Variants in SLC18A2 observed in about 807,000 individuals in gnomAD.
SLC18A2 encodes the protein solute carrier family 18 member A2, also known as synaptic vesicular amine transporter.
SLC18A2 carries 33 observed loss-of-function variants against 59.2 expected under a neutral mutation model. That is an observed-to-expected ratio of 0.56 (90% CI 0.42 to 0.75). SLC18A2 has a LOEUF of 0.75. SLC18A2 is among the 30% of genes least tolerant of loss of function. SLC18A2 has a pLI of 0.00. For synonymous variants in SLC18A2, 228 were observed against 253.5 expected (o/e 0.90, Z 0.95); for missense variants, 569 against 668.6 (o/e 0.85, Z 1.64).
At chr10:117,252,561 G>A (rs1023172591) in intron 3 of SLC18A2, among the ~76,000 whole-genome samples, 5 of 152,116 alleles carry the variant, frequency 3.3e-5, no homozygotes, top group African/African-American at 1.2e-4. Flanking sequence ...CACAGAGCAG[G>A]GACCCAGCTG....
intron 2 of SLC18A2, 44 bp downstream of exon 2, chr10:117,241,858 G>A: frequency 6.4e-7 from 1 of 1,553,122 alleles, no homozygotes; most frequent in East Asian, 2.5e-5. Flanking sequence ...CCCAGCCCCA[G>A]CGCCCCTTCC....
chr10:117,267,582 C>A, intron 12 of SLC18A2, 91 bp from the exon 13 acceptor site: 2 of 950,568 alleles, frequency 2.1e-6, no homozygotes, highest in Non-Finnish European at 3.2e-6. Context: ...AGGCATACCA[C>A]GCTCAGAGAA....
chr10:117,262,569 C>T (rs759642274), intron 10 of SLC18A2, among the ~76,000 whole-genome samples: 5 of 152,102 alleles, frequency 3.3e-5, no homozygotes, highest in Admixed American at 6.5e-5. Flanking sequence ...GTGGATCTCT[C>T]GGTGTTTTCA....
At chr10:117,266,376 C>T (rs931200631) in intron 10 of SLC18A2, among the ~76,000 whole-genome samples, 2 of 152,138 alleles carry the variant, frequency 1.3e-5, no homozygotes, top group African/African-American at 4.8e-5. Flanking sequence ...TCAATGACTG[C>T]GTCTTACTTC....
intron 3 of SLC18A2, among the ~76,000 whole-genome samples, chr10:117,248,073 A>G (rs1844127548): frequency 6.6e-6 from 1 of 152,072 alleles, no homozygotes. Flanking sequence ...AGGTTCAAGC[A>G]ATTCTCCTGC....
intron 3 of SLC18A2, among the ~76,000 whole-genome samples, chr10:117,247,708 A>G (rs1021803639): frequency 2.0e-5 from 3 of 152,180 alleles, no homozygotes; most frequent in African/African-American, 7.2e-5. Flanking sequence ...CTGGTCCCTG[A>G]AATATTCAGT....
intron 12 of SLC18A2, 156 bp downstream of exon 12, chr10:117,267,191 G>T: frequency 1.6e-6 from 1 of 615,174 alleles, no homozygotes; most frequent in Non-Finnish European, 2.8e-6. Context: ...AAAAATGTTT[G>T]GACAAGACTT....
At chr10:117,261,958 A>G (rs1215828879) in intron 10 of SLC18A2, among the ~76,000 whole-genome samples, 2 of 152,030 alleles carry the variant, frequency 1.3e-5, no homozygotes, top group East Asian at 3.9e-4. Context: ...CCCAGGCTGG[A>G]GTGCAGTGGC....
chr10:117,271,903 C>G (rs1844431785), intron 15 of SLC18A2, among the ~76,000 whole-genome samples: 1 of 151,824 alleles, frequency 6.6e-6, no homozygotes. Context: ...TGTTTTTGAC[C>G]AAAAAAAGTA....
intron 11 of SLC18A2, 25 bp from the exon 12 acceptor site, chr10:117,266,959 T>C (rs1844355323): frequency 1.9e-6 from 3 of 1,610,270 alleles, no homozygotes; most frequent in Non-Finnish European, 2.5e-6. Context: ...TGATCATTTC[T>C]TGATGGTGCT....
chr10:117,246,798 G>A (rs1380252783), intron 3 of SLC18A2, among the ~76,000 whole-genome samples: 1 of 151,990 alleles, frequency 6.6e-6, no homozygotes, highest in African/African-American at 2.4e-5. Context: ...GATTACAGGC[G>A]TGCACCACTA....
chr10:117,259,951 G>A (rs965250386), intron 10 of SLC18A2, among the ~76,000 whole-genome samples: 31 of 152,276 alleles, frequency 2.0e-4, no homozygotes, highest in African/African-American at 6.5e-4. Flanking sequence ...TTGGCTGAGC[G>A]TTAGGCTCCC....
In SLC18A2 at chr10:117,262,682, T is replaced by C. The variant is rs74159159; in HGVS notation, c.992-4051T>C. Among the ~76,000 whole-genome samples, 1,304 of 152,230 alleles carry C rather than the reference T, an allele frequency of 8.6e-3. 23 individuals are homozygous for C. Among genetic ancestry groups the C allele is most frequent in the African/African-American group, 0.03 (1,254 of 41,528 alleles). On this transcript the variant is annotated intron_variant, in intron 10 of 15. Coordinates refer to ENST00000644641, the MANE Select transcript of SLC18A2 (RefSeq NM_003054.6). ...TGAGAAGCTCTTATTTGTTTATTTA[T>C]TTTTAGAGACAGGGTCTCGTCCTGT...
rs1844409517 is a variant in SLC18A2, at chr10:117,270,187, A to G, written c.1303A>G (p.Ile435Val). 2.5e-6 allele frequency: 4 copies of G among 1,614,244 alleles called. No individual in the cohort carries two copies. The highest frequency in any genetic ancestry group is 2.2e-5 in the East Asian group (1 of 44,890). Residue 435 changes from isoleucine to valine, a missense_variant, in exon 14 of 16, where the codon ATA becomes GTA. Physicochemically the swap from Ile to Val is conservative, Grantham distance 29. Coordinates refer to ENST00000644641, the MANE Select transcript of SLC18A2 (RefSeq NM_003054.6). ...ADVAFCMGYA[I>V]GPSAGGAIAK... ...TGTGGCATTTTGTATGGGGTATGCTATAGGTAAGGACATTGGCTTTTCATA... is the reference window on the plus strand; with the variant it reads ...TGTGGCATTTTGTATGGGGTATGCTGTAGGTAAGGACATTGGCTTTTCATA...
In SLC18A2 at chr10:117,244,586, G is replaced by A. The variant is rs896390811; in HGVS notation, c.464+273G>A. ...CCACCAAGTGGGAGGACTTTGGCCT[G>A]TCTAAATGCCAGGTTTCGTAAGTGC... is the stretch of plus-strand genomic sequence containing the variant. On this transcript the variant is annotated intron_variant, in intron 3 of 15. Coordinates refer to ENST00000644641, the MANE Select transcript of SLC18A2 (RefSeq NM_003054.6). 4.6e-5 allele frequency among the ~76,000 whole-genome samples: 7 copies of A among 152,322 alleles called. No homozygotes were observed. The South Asian group carries it at 8.3e-4, about 18-fold the overall frequency.
intron 3 of SLC18A2, among the ~76,000 whole-genome samples, chr10:117,250,164 C>T (rs1164033491): frequency 6.6e-6 from 1 of 152,140 alleles, no homozygotes; most frequent in Non-Finnish European, 1.5e-5. Flanking sequence ...CAGGAGCTTC[C>T]CAGGGAGTCT....
At position 117,253,438 on chromosome 10, in the gene SLC18A2, C is replaced by A. The variant is rs746044715; in HGVS notation, c.504C>A (p.Ile168=). 5 of 1,613,450 alleles carry A rather than the reference C, an allele frequency of 3.1e-6. No individual in the cohort carries two copies. In the East Asian group the frequency reaches 1.1e-4, roughly 36 times the overall value. ...YPIPIFAGFC[I]MFVSTIMFAF... ...TTCCCATATTTGCGGGATTCTGCAT[C>A]ATGTTTGTCTCAACAATTAGTAAGT... Residue 168 remains isoleucine, a synonymous_variant, in exon 4 of 16, where the codon ATC becomes ATA. Transcript: ENST00000644641.
At chr10:117,259,748 G>T (rs900552527) in intron 10 of SLC18A2, among the ~76,000 whole-genome samples, 1 of 152,190 alleles carries the variant, frequency 6.6e-6, no homozygotes, top group Non-Finnish European at 1.5e-5. Context: ...AGGAGCCCGA[G>T]GGACCTTTAC....
In SLC18A2 at chr10:117,241,762, G is replaced by T; in HGVS notation, c.69G>T (p.Leu23=). 1.2e-6 allele frequency: 2 copies of T among 1,611,322 alleles called. No individual in the cohort carries two copies. Among genetic ancestry groups the T allele is most frequent in the Non-Finnish European group, 1.7e-6 (2 of 1,179,202 alleles). ...GCCGCCGCTCGCGGAAGCTCATCCT[G>T]TTCATCGTGTTCCTGGCGCTGCTGC... The part of the protein sequence containing the change: ...QESRRSRKLI[L]FIVFLALLLD... Residue 23 remains leucine (L), a synonymous_variant, in exon 2 of 16, where the codon CTG becomes CTT. Coordinates refer to ENST00000644641, the MANE Select transcript of SLC18A2 (RefSeq NM_003054.6).
Sources: allele counts gnomAD v4.1 joint callset (sites outside exome capture counted in the v4.1 genomes callset), GRCh38; gene constraint gnomAD v4.1.1; transcripts MANE v1.5; gene names NCBI Gene and HGNC (gene_info 2026-07-23, HGNC 2026-07-21).